SORCS3: variants seen among roughly 807,000 people sequenced by gnomAD.
SORCS3 encodes sortilin related VPS10 domain containing receptor 3.
SORCS3 carries 57 observed loss-of-function variants against 146.3 expected under a neutral mutation model. The observed-to-expected ratio is 0.39, with a 90% CI of 0.31 to 0.49. The LOEUF (loss-of-function observed/expected upper bound fraction) is 0.49, where lower values mean the gene tolerates loss of function less well. SORCS3 is among the 20% of genes least tolerant of loss of function. The pLI is 0.92. For synonymous variants in SORCS3, 653 were observed against 618.5 expected, an observed-to-expected ratio of 1.06 and a Z score of -0.83; for missense variants, 1,341 against 1,575.5, an observed-to-expected ratio of 0.85 and a Z score of 2.52.
chr10:105,217,118 G>A lies in SORCS3; in HGVS notation c.2730G>A (p.Val910=), dbSNP rs1266460169. Residue 910 remains valine (V), a synonymous_variant, in exon 19 of 27, where the codon GTG becomes GTA. Coordinates refer to ENST00000369701, the MANE Select transcript of SORCS3 (RefSeq NM_014978.3). Reference sequence around the variant, plus strand: ...ACACAGCTGTCCTCTTCCTGCATGTGGTTTGTAAGTAGGAGGCACCATCCC... The same window carrying A: ...ACACAGCTGTCCTCTTCCTGCATGTAGTTTGTAAGTAGGAGGCACCATCCC... ...GSDTAVLFLH[V]VCPVEHVHLR... 1 of 1,613,774 alleles carries A rather than the reference G, an allele frequency of 6.2e-7. No individual in the cohort carries two copies. Among genetic ancestry groups the A allele is most frequent in the Non-Finnish European group, 8.5e-7 (1 of 1,179,824 alleles).
chr10:105,208,298 G>A (rs12243060), intron 16 of SORCS3, among the ~76,000 whole-genome samples: 9,870 of 151,024 alleles, frequency 0.065, 402 homozygotes, highest in Middle Eastern at 0.16. Flanking sequence ...CTGAGATCGC[G>A]TCCCTGCACT....
intron 1 of SORCS3, among the ~76,000 whole-genome samples, chr10:104,719,803 T>C (rs550609679): frequency 6.6e-5 from 10 of 152,302 alleles, no homozygotes; most frequent in African/African-American, 1.7e-4. Flanking sequence ...ATGAGAATTA[T>C]GTGAATGAGA....
At chr10:105,186,734 A>C (rs149222608) in intron 14 of SORCS3, among the ~76,000 whole-genome samples, 1,651 of 152,006 alleles carry the variant, frequency 0.011, 8 homozygotes, top group Middle Eastern at 0.045. Context: ...AAATACAAAA[A>C]TTAGCTGGGC....
rs1399044836 is a variant in SORCS3, at chr10:105,262,284, T to G, written c.3444-47T>G. The G allele has an allele frequency of 5.7e-6, 9 of 1,576,152 alleles. No individual in the cohort carries two copies. The African/African-American group carries it at 9.4e-5, about 17-fold the overall frequency. Reference sequence around the variant, plus strand: ...CCCAGGATTTCCAGCTGCCCAAGTTTGGCACACCCTGTGATCTTAACCTGA... The same window carrying G: ...CCCAGGATTTCCAGCTGCCCAAGTTGGGCACACCCTGTGATCTTAACCTGA... On this transcript the variant is annotated intron_variant, in intron 25 of 26. Coordinates refer to ENST00000369701, the MANE Select transcript of SORCS3 (RefSeq NM_014978.3).
At chr10:105,159,267 ACCAATCAGAATG>A (rs1488300037) in intron 11 of SORCS3, among the ~76,000 whole-genome samples, 4 of 152,216 alleles carry the variant, frequency 2.6e-5, no homozygotes, top group Admixed American at 1.3e-4. Context: ...AAGTAAACTG[ACCAATCAGAATG>A]GTTGTTTGTA....
chr10:105,038,651 C>T lies in SORCS3; in HGVS notation c.955-4404C>T, dbSNP rs1316556146. Among the ~76,000 whole-genome samples, 3 of 151,986 alleles carry T rather than the reference C, an allele frequency of 2.0e-5. No individual in the cohort carries two copies. In the East Asian group the frequency reaches 5.8e-4, roughly 29 times the overall value. ...GGAAACTTCAAAAATATATAAATTA[C>T]CCGTAATCTCACAATTCAGAGGCGA... On this transcript the variant is annotated intron_variant, in intron 4 of 26. Transcript: ENST00000369701.
At chr10:105,060,075 C>G (rs1295274090) in intron 5 of SORCS3, among the ~76,000 whole-genome samples, 1 of 152,114 alleles carries the variant, frequency 6.6e-6, no homozygotes, top group East Asian at 1.9e-4. Context: ...TACCAGGAGA[C>G]AGATACAGCC....
chr10:104,860,996 G>A (rs1367056337), intron 2 of SORCS3, among the ~76,000 whole-genome samples: 1 of 152,112 alleles, frequency 6.6e-6, no homozygotes, highest in Non-Finnish European at 1.5e-5. Flanking sequence ...TGAAGAGTAG[G>A]GTGACCTTCC....
At chr10:104,780,290 A>G (rs1375624024) in intron 1 of SORCS3, among the ~76,000 whole-genome samples, 1 of 151,966 alleles carries the variant, frequency 6.6e-6, no homozygotes, top group East Asian at 1.9e-4. Flanking sequence ...TAATTATAAT[A>G]ATAATAAATG....
intron 14 of SORCS3, among the ~76,000 whole-genome samples, chr10:105,198,333 C>T (rs1461471098): frequency 6.6e-6 from 1 of 151,984 alleles, no homozygotes; most frequent in African/African-American, 2.4e-5. Flanking sequence ...TATCTGAATG[C>T]GAGAGTTTTG....
intron 1 of SORCS3, among the ~76,000 whole-genome samples, chr10:104,840,022 C>T (rs1048226586): frequency 6.6e-6 from 1 of 152,144 alleles, no homozygotes; most frequent in African/African-American, 2.4e-5. Context: ...TCCTGTCACC[C>T]AGGAATGTGT....
chr10:104,909,269 C>T (rs1015364600), intron 2 of SORCS3, among the ~76,000 whole-genome samples: 1 of 152,092 alleles, frequency 6.6e-6, no homozygotes. Context: ...CCAACCTGAG[C>T]TAGAGCTACT....
Position 104,641,499 on chromosome 10 carries a change from C to A in SORCS3, c.172C>A (p.Pro58Thr), listed in dbSNP as rs2015415138. ...APASRPPALS[P>T]LSPRAVASQW... ...GGCTTCGCGGCCACCGGCGTTGTCT[C>A]CACTCTCGCCGCGGGCAGTGGCCAG... Residue 58 changes from proline to threonine, a missense_variant, in exon 1 of 27, where the codon CCA (proline) becomes ACA (threonine). Transcript: ENST00000369701. The surrounding 1 kb of genome is among the most constrained non-coding windows in gnomAD (Gnocchi z 6.4). 6.8e-7 allele frequency: 1 copy of A among 1,474,736 alleles called. No homozygotes were observed. Among genetic ancestry groups the A allele is most frequent in the Admixed American group, 2.4e-5 (1 of 41,368 alleles). The allele number at this position is 1,474,736 out of a possible 1,614,324, so 91.4% of individuals were successfully genotyped here. A position where few individuals can be genotyped will look rare whatever the true frequency, so the allele number is the denominator to read the frequency against.
At chr10:105,005,270 C>T (rs986637245) in intron 4 of SORCS3, among the ~76,000 whole-genome samples, 1 of 152,094 alleles carries the variant, frequency 6.6e-6, no homozygotes, top group African/African-American at 2.4e-5. Context: ...TTCAGGTAGC[C>T]AACAGGTTGG....
In SORCS3 at chr10:105,217,253, A is replaced by G. The variant is rs2056670926; in HGVS notation, c.2734+131A>G. 1.0e-5 allele frequency: 8 copies of G among 785,728 alleles called. No homozygotes were observed. The South Asian group carries it at 1.3e-4, about 13-fold the overall frequency. 48.7% of individuals were successfully genotyped at this position (785,728 alleles called of 1,614,324 possible). On this transcript the variant is annotated intron_variant, in intron 19 of 26. Transcript: ENST00000369701. The stretch of plus-strand genomic sequence containing the variant: ...TACAATTACCCAAACCAAATGGTGG[A>G]GATATGTACTCATCTGTGTTTCTGA...
intron 3 of SORCS3, 108 bp from the exon 4 acceptor site, chr10:104,977,227 T>G: frequency 1.3e-6 from 1 of 799,924 alleles, no homozygotes; most frequent in Non-Finnish European, 1.8e-6. Context: ...AGATGCTCCT[T>G]TATGTGCTAT....
chr10:105,240,472 A>G (rs535666524), intron 20 of SORCS3, among the ~76,000 whole-genome samples: 1 of 152,332 alleles, frequency 6.6e-6, no homozygotes, highest in African/African-American at 2.4e-5. Flanking sequence ...CACCACCTGT[A>G]GTCTACCATT....
intron 2 of SORCS3, among the ~76,000 whole-genome samples, chr10:104,865,679 G>A (rs958534978): frequency 6.6e-6 from 1 of 152,340 alleles, no homozygotes; most frequent in Admixed American, 6.5e-5. Context: ...CAAATGCTGG[G>A]CTTTCACCCG....
At chr10:104,866,857 A>G (rs1408810853) in intron 2 of SORCS3, among the ~76,000 whole-genome samples, 1 of 152,206 alleles carries the variant, frequency 6.6e-6, no homozygotes, top group African/African-American at 2.4e-5. Flanking sequence ...GTCACTCATC[A>G]CGCTGGTTCT....
Sources: gnomAD v4.1 joint callset for allele counts (sites outside exome capture counted in the v4.1 genomes callset) on GRCh38, gnomAD v4.1.1 for gene constraint, Gnocchi (gnomAD v3.1) non-coding constraint, MANE v1.5 for transcripts, NCBI Gene and HGNC (gene_info 2026-07-23, HGNC 2026-07-21) for gene names.